TBC1D5: variants seen among roughly 807,000 people sequenced by gnomAD.
TBC1D5 encodes the protein TBC1 domain family member 5.
A neutral mutation model predicts 100.3 loss-of-function variants in TBC1D5; 75 were observed. The ratio of observed to expected loss-of-function variants is 0.75; its 90% CI spans 0.62 to 0.91. The LOEUF (loss-of-function observed/expected upper bound fraction) is 0.91, where lower values mean the gene tolerates loss of function less well. TBC1D5 is among the 40% of genes least tolerant of loss of function. The pLI is 0.00. For missense variants in TBC1D5, 910 were observed against 942.4 expected, an observed-to-expected ratio of 0.97 and a Z score of 0.45; for synonymous variants, 323 against 325.6, an observed-to-expected ratio of 0.99 and a Z score of 0.09.
intron 3 of TBC1D5, among the ~76,000 whole-genome samples, chr3:17,484,486 G>A (rs2095536606): frequency 6.9e-6 from 1 of 145,562 alleles, no homozygotes. Flanking sequence ...GTGTGTGTGT[G>A]TGTTTGGGTA....
intron 2 of TBC1D5, among the ~76,000 whole-genome samples, chr3:17,609,789 T>C (rs1243864064): frequency 6.6e-6 from 1 of 152,168 alleles, no homozygotes; most frequent in African/African-American, 2.4e-5. Context: ...TAAAAGGACT[T>C]CTCAACACAG....
intron 2 of TBC1D5, among the ~76,000 whole-genome samples, chr3:17,532,958 C>T (rs1309543941): frequency 3.3e-5 from 5 of 151,454 alleles, no homozygotes; most frequent in South Asian, 2.1e-4. Flanking sequence ...GCACGTTGTG[C>T]ACATGTACCC....
chr3:17,574,721 C>T (rs570853559), intron 2 of TBC1D5, among the ~76,000 whole-genome samples: 2 of 152,210 alleles, frequency 1.3e-5, no homozygotes, highest in South Asian at 2.1e-4. Flanking sequence ...CAAAACAGAC[C>T]TCAGGCTGAA....
intron 2 of TBC1D5, among the ~76,000 whole-genome samples, chr3:17,600,580 T>C (rs2060867202): frequency 6.6e-6 from 1 of 152,022 alleles, no homozygotes. Flanking sequence ...ATAAGAAAAA[T>C]GTTCGATGAG....
rs535495747 is a variant in TBC1D5 at position 17,700,454 on chromosome 3, A to G, written c.-101+38889T>C. On this transcript the variant is annotated intron_variant, in intron 1 of 21. Transcript: ENST00000253692. The stretch of plus-strand genomic sequence containing the variant: ...CATGTCCAAAACACCAAAAGCAATG[A>G]CAACAAAAGCCAAAATTGACAAATG... Among the ~76,000 whole-genome samples, 6 of 152,298 alleles carry G rather than the reference A, an allele frequency of 3.9e-5. No homozygotes were observed. In the South Asian group the frequency reaches 1.0e-3, roughly 26 times the overall value.
At chr3:17,447,164 A>C (rs976186841) in intron 3 of TBC1D5, among the ~76,000 whole-genome samples, 1 of 152,224 alleles carries the variant, frequency 6.6e-6, no homozygotes, top group African/African-American at 2.4e-5. Flanking sequence ...TATTCATTCA[A>C]GTAGAATGAG....
intron 19 of TBC1D5, among the ~76,000 whole-genome samples, chr3:17,175,862 A>T (rs2067659275): frequency 6.6e-6 from 1 of 152,238 alleles, no homozygotes; most frequent in African/African-American, 2.4e-5. Flanking sequence ...GGCAATGAAC[A>T]TCAGCCTTTA....
At chr3:17,258,524 T>G (rs2077956257) in exon 16 of TBC1D5, 1 of 1,612,926 alleles carries the variant, frequency 6.2e-7, no homozygotes, top group Non-Finnish European at 8.5e-7. Flanking sequence ...ATTCATGAGG[T>G]CTGCTCCTCG....
intron 19 of TBC1D5, 150 bp downstream of exon 20, chr3:17,184,959 G>A (rs543358412): frequency 5.8e-6 from 3 of 520,104 alleles, no homozygotes; most frequent in Non-Finnish European, 9.9e-6. Flanking sequence ...TAGAGAGTGA[G>A]AGTAAGAGTA....
intron 18 of TBC1D5, among the ~76,000 whole-genome samples, chr3:17,196,722 G>A (rs2070740934): frequency 1.3e-5 from 2 of 152,152 alleles, no homozygotes; most frequent in African/African-American, 2.4e-5. Flanking sequence ...TAATTAACAT[G>A]GGTTTGTTAC....
chr3:17,220,985 T>A (rs1421106273), intron 17 of TBC1D5, among the ~76,000 whole-genome samples: 1 of 152,226 alleles, frequency 6.6e-6, no homozygotes, highest in Non-Finnish European at 1.5e-5. Context: ...TAGTGATTTT[T>A]TAAAGGAATT....
At chr3:17,560,939 T>G (rs1379577338) in intron 2 of TBC1D5, among the ~76,000 whole-genome samples, 1 of 148,272 alleles carries the variant, frequency 6.7e-6, no homozygotes, top group East Asian at 2.0e-4. Context: ...AAAAGAAAAA[T>G]AGTTTTTTTA....
intron 8 of TBC1D5, among the ~76,000 whole-genome samples, chr3:17,401,171 T>C (rs1361503358): frequency 6.6e-6 from 1 of 151,940 alleles, no homozygotes; most frequent in Non-Finnish European, 1.5e-5. Context: ...GCCATTTTAA[T>C]TAAAATCAAC....
intron 13 of TBC1D5, among the ~76,000 whole-genome samples, chr3:17,325,629 G>A (rs1212878704): frequency 6.6e-6 from 1 of 152,082 alleles, no homozygotes; most frequent in Non-Finnish European, 1.5e-5. Flanking sequence ...GCCCAATATG[G>A]ATGAATCTTA....
At chr3:17,325,323 CTT>C (rs35423622) in intron 13 of TBC1D5, among the ~76,000 whole-genome samples, 4 of 124,054 alleles carry the variant, frequency 3.2e-5, no homozygotes, top group Admixed American at 8.6e-5. Context: ...ATGGATGAAT[CTT>C]TTTTTTTTTT....
At chr3:17,298,138 C>T (rs1168536905) in intron 14 of TBC1D5, among the ~76,000 whole-genome samples, 1 of 152,130 alleles carries the variant, frequency 6.6e-6, no homozygotes. Context: ...TGAAAATAGA[C>T]ATACATACAC....
chr3:17,695,377 G>A (rs1427662723), intron 1 of TBC1D5, among the ~76,000 whole-genome samples: 14 of 152,040 alleles, frequency 9.2e-5, no homozygotes, highest in African/African-American at 3.4e-4. Context: ...ACGCACATAG[G>A]CTAAAAATAA....
At chr3:17,510,940 T>C (rs920458398) in intron 2 of TBC1D5, among the ~76,000 whole-genome samples, 9 of 152,142 alleles carry the variant, frequency 5.9e-5, no homozygotes, top group South Asian at 2.1e-4. Flanking sequence ...AAAGCCAAAA[T>C]TGAAGCCATC....
chr3:17,514,269 G>T (rs1241253885), intron 2 of TBC1D5, among the ~76,000 whole-genome samples: 1 of 151,804 alleles, frequency 6.6e-6, no homozygotes, highest in Non-Finnish European at 1.5e-5. Flanking sequence ...GACAACAGGG[G>T]GTCTGTTTCT....
Sources: gnomAD v4.1 joint callset for allele counts (sites outside exome capture counted in the v4.1 genomes callset) on GRCh38, gnomAD v4.1.1 for gene constraint, MANE v1.5 for transcripts, NCBI Gene and HGNC (gene_info 2026-07-23, HGNC 2026-07-21) for gene names.